Variants in CAMTA1 observed in about 807,000 individuals in gnomAD.
CAMTA1 encodes the protein calmodulin binding transcription activator 1, also known as calmodulin-binding transcription activator 1.
Under a neutral mutation model 170.9 loss-of-function variants are expected in CAMTA1, and 27 were observed. The ratio of observed to expected loss-of-function variants is 0.16; its 90% confidence interval spans 0.12 to 0.22. The LOEUF (loss-of-function observed/expected upper bound fraction) is 0.22. CAMTA1 is among the 10% of genes least tolerant of loss of function. The pLI is 1.00. For synonymous variants in CAMTA1, 833 were observed against 891.5 expected (o/e 0.93, Z 1.17); for missense variants, 1,619 against 2,217.2 (o/e 0.73, Z 5.42).
chr1:7,669,688 A>G (rs4908674), intron 9 of CAMTA1, among the ~76,000 whole-genome samples: 5 of 152,224 alleles, frequency 3.3e-5, no homozygotes, highest in East Asian at 1.9e-4. Flanking sequence ...TCTCCGCCCC[A>G]CTGCAGGGAA....
chr1:7,423,315 A>G (rs904391224), intron 5 of CAMTA1, among the ~76,000 whole-genome samples: 1 of 152,124 alleles, frequency 6.6e-6, no homozygotes, highest in African/African-American at 2.4e-5. Context: ...TACTAAAACT[A>G]CAAAATTAGC....
In CAMTA1 at chr1:6,971,925, C is replaced by T. The variant is rs920388986; in HGVS notation, c.235-119379C>T. ...GCCTGGAGAGAGGAGAGGAGAGCATCGCGGGCAGGTGCTGAGGGTTGGCCT... is the reference window on the plus strand; with the variant it reads ...GCCTGGAGAGAGGAGAGGAGAGCATTGCGGGCAGGTGCTGAGGGTTGGCCT... On this transcript the variant is annotated intron_variant, in intron 3 of 22. Coordinates refer to ENST00000303635, the MANE Select transcript of CAMTA1 (RefSeq NM_015215.4). The surrounding 1 kb of genome is among the most constrained non-coding windows in gnomAD (Gnocchi z 4.6). Among the ~76,000 whole-genome samples, 12 of 152,190 alleles carry T rather than the reference C, an allele frequency of 7.9e-5. No homozygotes were observed. Among genetic ancestry groups the T allele is most frequent in the African/African-American group, 2.2e-4 (9 of 41,448 alleles).
intron 5 of CAMTA1, among the ~76,000 whole-genome samples, chr1:7,452,326 T>C (rs935773659): frequency 6.6e-6 from 1 of 152,190 alleles, no homozygotes; most frequent in Non-Finnish European, 1.5e-5. Context: ...TCCCTGGCCC[T>C]TGTCTGTGCC....
chr1:7,334,741 C>G (rs563208269), intron 5 of CAMTA1, among the ~76,000 whole-genome samples: 2 of 152,176 alleles, frequency 1.3e-5, no homozygotes, highest in Admixed American at 6.5e-5. Context: ...AAGAGGCTGA[C>G]GGTGTCTGAG....
At position 7,144,994 on chromosome 1, in the gene CAMTA1, G is replaced by A. The variant is rs898453370; in HGVS notation, c.302+53623G>A. The stretch of plus-strand genomic sequence containing the variant: ...GCGGTTGGGAGGCTGAGCTGGCCTT[G>A]ACCTGGATTCGCTTTCTTCTAGAAT... On this transcript the variant is annotated intron_variant, in intron 4 of 22. Transcript: ENST00000303635. The surrounding 1 kb of genome is among the most constrained non-coding windows in gnomAD (Gnocchi z 4.0). Among the ~76,000 whole-genome samples, 6 of 152,264 alleles carry A rather than the reference G, an allele frequency of 3.9e-5. No individual in the cohort carries two copies. The highest frequency in any genetic ancestry group is 7.3e-5 in the Non-Finnish European group (5 of 68,044).
chr1:6,956,281 GA>G lies in CAMTA1; in HGVS notation c.234+131073del, dbSNP rs576879468. Reference sequence around the variant, plus strand: ...AAAATATTCCCCCTTCCCTCCAGGTGAATACTCAGGTGCATACTATGTGCTT... The same window carrying G: ...AAAATATTCCCCCTTCCCTCCAGGTGATACTCAGGTGCATACTATGTGCTT... On this transcript the variant is annotated intron_variant, in intron 3 of 22. Transcript: ENST00000303635. Among the ~76,000 whole-genome samples, 167 of 152,258 alleles carry G rather than the reference GA, an allele frequency of 1.1e-3. 1 individual carries two copies. Among genetic ancestry groups the G allele is most frequent in the African/African-American group, 3.9e-3 (164 of 41,546 alleles).
chr1:7,159,870 C>T (rs1052155198), intron 4 of CAMTA1, among the ~76,000 whole-genome samples: 5 of 152,134 alleles, frequency 3.3e-5, no homozygotes, highest in African/African-American at 9.7e-5. Flanking sequence ...TGTAGAGGAT[C>T]GCCTTGCCCC....
In CAMTA1 at chr1:6,887,661, C is replaced by T; in HGVS notation, c.234+62451C>T. 4 of 1,535,194 alleles carry T rather than the reference C, an allele frequency of 2.6e-6. No individual in the cohort carries two copies. The highest frequency in any genetic ancestry group is 3.5e-6 in the Non-Finnish European group (4 of 1,146,578). On this transcript the variant is annotated intron_variant, in intron 3 of 22. Transcript: ENST00000303635. The surrounding 1 kb of genome is among the most constrained non-coding windows in gnomAD (Gnocchi z 4.1). ...TACACCTATTTATTTCAGGCTCTCA[C>T]CACACACTTGTTCATGGGCGCAGCA...
rs78527983 is a variant in CAMTA1, at chr1:7,363,312, T to G, written c.439-104518T>G. On this transcript the variant is annotated intron_variant, in intron 5 of 22. Coordinates refer to ENST00000303635, the MANE Select transcript of CAMTA1 (RefSeq NM_015215.4). ...ATTTTGTAACACATTGAAATCACTT[T>G]GTAAGCTCTTTGTTAACACCTTTAA... 6.6e-5 allele frequency among the ~76,000 whole-genome samples: 10 copies of G among 152,332 alleles called. No homozygotes were observed. In the East Asian group the frequency reaches 1.9e-3, roughly 29 times the overall value.
intron 1 of CAMTA1, among the ~76,000 whole-genome samples, chr1:6,794,848 T>A (rs181385379): frequency 6.6e-6 from 1 of 152,286 alleles, no homozygotes; most frequent in African/African-American, 2.4e-5. Flanking sequence ...ATAATCTTTT[T>A]TATTAGTTTA....
chr1:6,866,689 G>A (rs535278046), intron 3 of CAMTA1, among the ~76,000 whole-genome samples: 4 of 152,242 alleles, frequency 2.6e-5, no homozygotes, highest in South Asian at 4.2e-4. Flanking sequence ...TGCAAAAATA[G>A]GAGTATATCT....
At chr1:6,946,785 G>A (rs780913362) in intron 3 of CAMTA1, among the ~76,000 whole-genome samples, 48 of 150,630 alleles carry the variant, frequency 3.2e-4, no homozygotes, top group African/African-American at 1.0e-3. Flanking sequence ...TTCCTTCACC[G>A]TGTCCTTTGA....
At chr1:7,358,231 C>T (rs76856758) in intron 5 of CAMTA1, among the ~76,000 whole-genome samples, 2,631 of 152,292 alleles carry the variant, frequency 0.017, 85 homozygotes, top group African/African-American at 0.061. Context: ...GTGAGCTTTT[C>T]GGTTGCTTTT....
intron 3 of CAMTA1, among the ~76,000 whole-genome samples, chr1:6,838,165 G>C (rs1006309670): frequency 6.6e-6 from 1 of 152,166 alleles, no homozygotes; most frequent in Admixed American, 6.5e-5. Context: ...CAAGTGGGCT[G>C]TAATACTCTG....
intron 3 of CAMTA1, among the ~76,000 whole-genome samples, chr1:6,839,739 A>G (rs1570736590): frequency 1.3e-5 from 2 of 152,270 alleles, no homozygotes. Flanking sequence ...GGGGAGGAAT[A>G]TTCTAGGCAA....
At chr1:7,024,587 T>A (rs1701796817) in intron 3 of CAMTA1, among the ~76,000 whole-genome samples, 1 of 152,248 alleles carries the variant, frequency 6.6e-6, no homozygotes, top group African/African-American at 2.4e-5. Flanking sequence ...TGTGTGTATC[T>A]GTTCCAGTGT....
intron 4 of CAMTA1, among the ~76,000 whole-genome samples, chr1:7,133,910 C>T (rs1326771735): frequency 2.6e-5 from 4 of 152,134 alleles, no homozygotes; most frequent in Non-Finnish European, 4.4e-5. Flanking sequence ...ATAATGTCAA[C>T]TCTTGATTTA....
In CAMTA1 at chr1:7,747,742, T is replaced by C; in HGVS notation, c.4650T>C (p.Ala1550=). 6.2e-7 allele frequency: 1 copy of C among 1,613,002 alleles called. No homozygotes were observed. The highest frequency in any genetic ancestry group is 8.5e-7 in the Non-Finnish European group (1 of 1,179,472). ...CCTTGCGGGAACAGCAAGAAGTAGC[T>C]GCTGCTGTTATTCAGCGTTGTTACA... ...GRPLREQQEV[A]AAVIQRCYRK... Residue 1550 remains alanine, a synonymous_variant, in exon 19 of 23, where the codon GCT becomes GCC. Coordinates refer to ENST00000303635, the MANE Select transcript of CAMTA1 (RefSeq NM_015215.4).
rs1699096500 is a variant in CAMTA1, at chr1:7,007,014, A to G, written c.235-84290A>G. 6.6e-6 allele frequency among the ~76,000 whole-genome samples: 1 copy of G among 152,036 alleles called. No homozygotes were observed. Among genetic ancestry groups the G allele is most frequent in the African/African-American group, 2.4e-5 (1 of 41,384 alleles). On this transcript the variant is annotated intron_variant, in intron 3 of 22. Transcript: ENST00000303635. This position sits in a 1 kb window ranked among gnomAD's most constrained non-coding sequence, Gnocchi z 4.5. Reference sequence around the variant, plus strand: ...AATGTCAGATGGTAGTAAAAAAAAAAAAAAAAAATAAGAATTTTTGGATAC... The same window carrying G: ...AATGTCAGATGGTAGTAAAAAAAAAGAAAAAAAATAAGAATTTTTGGATAC...
Sources: gnomAD v4.1 joint callset for allele counts (sites outside exome capture counted in the v4.1 genomes callset) on GRCh38, gnomAD v4.1.1 for gene constraint, Gnocchi (gnomAD v3.1) non-coding constraint, MANE v1.5 for transcripts, NCBI Gene and HGNC (gene_info 2026-07-23, HGNC 2026-07-21) for gene names.